TENM4: variants seen among roughly 807,000 people sequenced by gnomAD.
The protein encoded by TENM4 is teneurin-4.
In TENM4, 82 loss-of-function variants were observed where a neutral mutation model predicts 243.3. The observed-to-expected ratio is 0.34, with a 90% confidence interval of 0.28 to 0.40. The LOEUF is 0.40. Among genes scored for constraint, TENM4 ranks in the 10% least tolerant of loss-of-function variants. TENM4 has a pLI of 1.00. For missense variants in TENM4, 3,138 were observed against 3,673.3 expected (o/e 0.85, Z 3.77); for synonymous variants, 1,412 against 1,456.3 (o/e 0.97, Z 0.69).
intron 4 of TENM4, among the ~76,000 whole-genome samples, chr11:79,099,403 T>C (rs540190632): frequency 6.6e-6 from 1 of 152,128 alleles, no homozygotes; most frequent in East Asian, 1.9e-4. Context: ...TGGGGAGAGG[T>C]CAGAGTCATG....
At chr11:79,345,610 G>A (rs1306694134) in intron 1 of TENM4, among the ~76,000 whole-genome samples, 4 of 152,074 alleles carry the variant, frequency 2.6e-5, no homozygotes, top group Non-Finnish European at 5.9e-5. Context: ...CAAAGACTAG[G>A]GTTCATATTC....
chr11:78,969,925 C>T (rs1292649884), intron 6 of TENM4, among the ~76,000 whole-genome samples: 3 of 152,274 alleles, frequency 2.0e-5, no homozygotes, highest in South Asian at 4.1e-4. Flanking sequence ...GGTACCTCAT[C>T]TCAGTGGCAC....
Position 78,676,360 on chromosome 11 carries a change from C to T in TENM4, c.5288G>A (p.Gly1763Glu), listed in dbSNP as rs1304368237. 4.4e-6 allele frequency: 7 copies of T among 1,605,352 alleles called. No homozygotes were observed. Among genetic ancestry groups the T allele is most frequent in the Non-Finnish European group, 5.1e-6 (6 of 1,173,006 alleles). Residue 1763 changes from glycine to glutamate, a missense_variant, in exon 30 of 34, where the codon GGG becomes GAG. Around this residue, in one of 2 missense-constraint regions of TENM4, gnomAD observed 2,467 missense variants for 3,059.1 expected, o/e 0.81. Transcript: ENST00000278550. ...QDQVRNSYYI[G>E]ADGSLRLLLA... ...CAGCAGCCGCAAGGAGCCATCGGCC[C>T]CGATGTAGTAGCTGTTCCGGACTTG...
intron 26 of TENM4, 142 bp downstream of exon 26, chr11:78,712,340 G>A: frequency 1.5e-6 from 1 of 687,552 alleles, no homozygotes. Flanking sequence ...TCTGGCAGGT[G>A]GAATTATCAC....
At chr11:78,715,667 T>C (rs1196013648) in intron 25 of TENM4, among the ~76,000 whole-genome samples, 1 of 152,222 alleles carries the variant, frequency 6.6e-6, no homozygotes, top group Non-Finnish European at 1.5e-5. Flanking sequence ...TAGGCTCTCA[T>C]TTAGGTGAGT....
chr11:79,053,783 T>C (rs994893256), intron 6 of TENM4, among the ~76,000 whole-genome samples: 4 of 152,202 alleles, frequency 2.6e-5, no homozygotes, highest in Admixed American at 2.6e-4. Flanking sequence ...CTGGGCTTCA[T>C]GTATCAAACC....
intron 12 of TENM4, among the ~76,000 whole-genome samples, chr11:78,849,155 T>C (rs1858470454): frequency 1.3e-5 from 2 of 152,236 alleles, no homozygotes; most frequent in African/African-American, 2.4e-5. Context: ...AATGAAAAGA[T>C]AAGATGCTAC....
intron 6 of TENM4, among the ~76,000 whole-genome samples, chr11:78,974,723 C>CTTTTCTT (rs1415437349): frequency 7.0e-5 from 9 of 129,282 alleles, no homozygotes; most frequent in African/African-American, 2.6e-4. Context: ...CTTTTCTTTT[C>CTTTTCTT]TTTTTTTTTT....
At chr11:78,728,304 C>A (rs140529462) in intron 22 of TENM4, among the ~76,000 whole-genome samples, 11 of 152,298 alleles carry the variant, frequency 7.2e-5, no homozygotes, top group African/African-American at 2.6e-4. Context: ...CATCTCAATT[C>A]TCTGGGCCTC....
chr11:79,424,302 T>A (rs554479783), intron 1 of TENM4, among the ~76,000 whole-genome samples: 17 of 152,274 alleles, frequency 1.1e-4, no homozygotes, highest in African/African-American at 4.1e-4. Flanking sequence ...AATTATCTGG[T>A]CATTTGTGGC....
chr11:79,138,356 T>C (rs1862158540), intron 4 of TENM4, among the ~76,000 whole-genome samples: 2 of 123,162 alleles, frequency 1.6e-5, no homozygotes, highest in South Asian at 4.5e-4. Flanking sequence ...TAAAAATATA[T>C]AATATATAAT....
At chr11:79,032,917 A>G (rs1053597357) in intron 6 of TENM4, among the ~76,000 whole-genome samples, 3 of 152,160 alleles carry the variant, frequency 2.0e-5, no homozygotes, top group Admixed American at 6.5e-5. Context: ...TTGTCCAGGG[A>G]GAACATGCTG....
intron 6 of TENM4, chr11:79,021,530 C>G (rs1858927434): frequency 6.6e-6 from 1 of 152,154 alleles, no homozygotes; most frequent in East Asian, 1.9e-4. Context: ...TATATGCCTG[C>G]CCATCAGTTA....
intron 3 of TENM4, among the ~76,000 whole-genome samples, chr11:79,178,784 C>T (rs1312396443): frequency 6.6e-6 from 1 of 152,180 alleles, no homozygotes; most frequent in Non-Finnish European, 1.5e-5. Context: ...CAGTATCTGG[C>T]ACACAGTAGG....
At chr11:78,738,296 C>A (rs1855845308) in intron 20 of TENM4, among the ~76,000 whole-genome samples, 155 bp downstream of exon 20, 1 of 152,206 alleles carries the variant, frequency 6.6e-6, no homozygotes, top group South Asian at 2.1e-4. Context: ...GGTACAAGGT[C>A]ATACAATTAG....
At chr11:78,789,636 G>A (rs1010596312) in intron 15 of TENM4, among the ~76,000 whole-genome samples, 1 of 151,820 alleles carries the variant, frequency 6.6e-6, no homozygotes, top group African/African-American at 2.4e-5. Flanking sequence ...TTTATGGTGT[G>A]AAAGTAAACA....
In TENM4 at chr11:78,661,547, C is replaced by T. The variant is rs538672500; in HGVS notation, c.7453G>A (p.Val2485Met). The T allele has an allele frequency of 5.5e-5, 88 of 1,613,298 alleles. No homozygotes were observed. Among genetic ancestry groups the T allele is most frequent in the Non-Finnish European group, 7.2e-5 (85 of 1,179,728 alleles). Reference protein sequence around the residue: ...LLTFGFQLHNVIPGYPKPDMD... With the variant: ...LLTFGFQLHNMIPGYPKPDMD... ...TCTGGTTTGGGATAACCAGGGATCA[C>T]GTTGTGTAGCTGGAATCCAAAGGTG... Residue 2485 changes from valine (V) to methionine (M), a missense_variant, in exon 33 of 34, where the codon GTG becomes ATG. Around this residue, in one of 2 missense-constraint regions of TENM4, gnomAD observed 2,467 missense variants for 3,059.1 expected, o/e 0.81. Coordinates refer to ENST00000278550, the MANE Select transcript of TENM4 (RefSeq NM_001098816.3).
intron 2 of TENM4, among the ~76,000 whole-genome samples, chr11:79,226,367 A>AG (rs1340023657): frequency 6.6e-6 from 1 of 152,174 alleles, no homozygotes; most frequent in Non-Finnish European, 1.5e-5. Context: ...CAGCTAGCAG[A>AG]GGGGGAGAGG....
rs1398202554 is a variant in TENM4, at chr11:78,669,574, C to T, written c.6771G>A (p.Glu2257=). The T allele has an allele frequency of 6.2e-7, 1 of 1,614,006 alleles. No individual in the cohort carries two copies. The highest frequency in any genetic ancestry group is 8.5e-7 in the Non-Finnish European group (1 of 1,179,900). Residue 2257 remains glutamate (E), a synonymous_variant, in exon 32 of 34, where the codon GAG becomes GAA. Coordinates refer to ENST00000278550, the MANE Select transcript of TENM4 (RefSeq NM_001098816.3). The surrounding 1 kb of genome is among the most constrained non-coding windows in gnomAD (Gnocchi z 6.4). ...CGCCCCGCTGCCTCAGGAAGCCATC[C>T]TCATCCATCTTGTATTGCACGTCAC... is the stretch of plus-strand genomic sequence containing the variant. ...RLGDVQYKMD[E]DGFLRQRGGD...
Sources: allele counts gnomAD v4.1 joint callset (sites outside exome capture counted in the v4.1 genomes callset), GRCh38; gene constraint gnomAD v4.1.1; regional missense constraint gnomAD v4.1.1; non-coding constraint Gnocchi (gnomAD v3.1); transcripts MANE v1.5; gene names NCBI Gene and HGNC (gene_info 2026-07-23, HGNC 2026-07-21).